SLX4IP: variants seen among roughly 807,000 people sequenced by gnomAD.
The protein encoded by SLX4IP is SLX4 interacting protein.
Under a neutral mutation model 32.9 loss-of-function variants are expected in SLX4IP, and 34 were observed. The observed-to-expected ratio is 1.03, with a 90% CI of 0.79 to 1.38. The LOEUF is 1.38. Ranked by LOEUF, SLX4IP falls within the 40% of genes most tolerant of loss-of-function variation. The probability of loss-of-function intolerance (pLI) is 0.00; values close to 1 mark genes in which losing one functional copy is unlikely to be tolerated. For missense variants in SLX4IP, 444 were observed against 479.0 expected, an observed-to-expected ratio of 0.93 and a Z score of 0.68; for synonymous variants, 172 against 171.7, an observed-to-expected ratio of 1.00 and a Z score of -0.01.
At chr20:10,583,904 A>C (rs1568754500) in intron 4 of SLX4IP, among the ~76,000 whole-genome samples, 1 of 152,202 alleles carries the variant, frequency 6.6e-6, no homozygotes, top group African/African-American at 2.4e-5. Flanking sequence ...ATTAAGATAA[A>C]AATATCAAGG....
At position 10,570,896 on chromosome 20, in the gene SLX4IP, C is replaced by T. The variant is rs1180216675; in HGVS notation, c.238+10076C>T. 6.6e-5 allele frequency among the ~76,000 whole-genome samples: 10 copies of T among 152,252 alleles called. No individual in the cohort carries two copies. The East Asian group carries it at 1.9e-3, about 29-fold the overall frequency. On this transcript the variant is annotated intron_variant, in intron 4 of 7. Transcript: ENST00000334534. Reference sequence around the variant, plus strand: ...CCAGGCCAGAGTGCAGTGGAACAGTCGTGGCTCATGGCAGCCTCAACCACC... The same window carrying T: ...CCAGGCCAGAGTGCAGTGGAACAGTTGTGGCTCATGGCAGCCTCAACCACC...
In SLX4IP at chr20:10,623,065, T is replaced by G. The variant is rs1399420611; in HGVS notation, c.913T>G (p.Phe305Val). 5 of 1,613,940 alleles carry G rather than the reference T, an allele frequency of 3.1e-6. No homozygotes were observed. The highest frequency in any genetic ancestry group is 3.4e-6 in the Non-Finnish European group (4 of 1,179,960). ...KRRNCSSAEDFDHHGRVSLGS... is the reference protein window; with the variant it reads ...KRRNCSSAEDVDHHGRVSLGS... ...CAGGAACTGCAGCTCTGCGGAAGAC[T>G]TCGACCACCACGGGAGAGTTTCTCT... Residue 305 changes from phenylalanine to valine, a missense_variant, in exon 8 of 8, where the codon TTC becomes GTC. By Grantham distance (50) the Phe-to-Val change is conservative. Transcript: ENST00000334534.
At chr20:10,591,899 A>T (rs1359085929) in intron 4 of SLX4IP, among the ~76,000 whole-genome samples, 1 of 152,324 alleles carries the variant, frequency 6.6e-6, no homozygotes, top group East Asian at 1.9e-4. Flanking sequence ...CCATGTGAAC[A>T]ATCTCTGATG....
At chr20:10,479,944 C>T (rs1473166072) in intron 2 of SLX4IP, among the ~76,000 whole-genome samples, 7 of 152,024 alleles carry the variant, frequency 4.6e-5, no homozygotes, top group Non-Finnish European at 8.8e-5. Context: ...TCAGAGGTTG[C>T]AGTGAGCCAA....
chr20:10,578,975 T>C (rs952875676), intron 4 of SLX4IP, among the ~76,000 whole-genome samples: 12 of 152,324 alleles, frequency 7.9e-5, no homozygotes, highest in Non-Finnish European at 1.8e-4. Flanking sequence ...TATAAGTCCC[T>C]TATCAGCTAT....
chr20:10,510,391 CT>C (rs1341784253), intron 2 of SLX4IP, among the ~76,000 whole-genome samples: 2 of 152,114 alleles, frequency 1.3e-5, no homozygotes, highest in African/African-American at 4.8e-5. Flanking sequence ...CCACACACAC[CT>C]TTCATCCTGG....
intron 4 of SLX4IP, among the ~76,000 whole-genome samples, chr20:10,561,894 T>C (rs1349910536): frequency 6.6e-6 from 1 of 152,236 alleles, no homozygotes; most frequent in East Asian, 1.9e-4. Flanking sequence ...CTTCACTTAA[T>C]TTCCTTTGGG....
At chr20:10,487,503 T>G (rs1483324676) in intron 2 of SLX4IP, among the ~76,000 whole-genome samples, 1 of 152,174 alleles carries the variant, frequency 6.6e-6, no homozygotes, top group Non-Finnish European at 1.5e-5. Flanking sequence ...TGAACTGTTC[T>G]AACAGTTAGG....
chr20:10,543,204 G>A (rs1009959860), intron 2 of SLX4IP, among the ~76,000 whole-genome samples: 2 of 152,174 alleles, frequency 1.3e-5, no homozygotes, highest in East Asian at 3.8e-4. Context: ...TTAATAGATT[G>A]GATGTGTAAT....
intron 2 of SLX4IP, among the ~76,000 whole-genome samples, chr20:10,530,284 G>A (rs185619979): frequency 1.8e-3 from 275 of 152,296 alleles, no homozygotes; most frequent in African/African-American, 6.0e-3. Context: ...GAGTTTGTAC[G>A]TTTAGATAAT....
At chr20:10,514,383 G>A (rs568772402) in intron 2 of SLX4IP, among the ~76,000 whole-genome samples, 14 of 152,160 alleles carry the variant, frequency 9.2e-5, no homozygotes, top group African/African-American at 1.7e-4. Context: ...TTCTTTCTCT[G>A]TTCTGTTAAG....
At chr20:10,603,285 G>A (rs1043773852) in intron 6 of SLX4IP, among the ~76,000 whole-genome samples, 2 of 152,066 alleles carry the variant, frequency 1.3e-5, no homozygotes, top group Non-Finnish European at 2.9e-5. Context: ...TATTAAGGAG[G>A]GATTAAAACA....
rs1432047579 is a variant in SLX4IP at position 10,583,386 on chromosome 20, C to CT, written c.239-15289_239-15288insT. Among the ~76,000 whole-genome samples, 4 of 152,308 alleles carry CT rather than the reference C, an allele frequency of 2.6e-5. No homozygotes were observed. In the East Asian group the frequency reaches 7.7e-4, roughly 29 times the overall value. On this transcript the variant is annotated intron_variant, in intron 4 of 7. Coordinates refer to ENST00000334534, the MANE Select transcript of SLX4IP (RefSeq NM_001009608.3). The stretch of plus-strand genomic sequence containing the variant: ...AGGGTCTGAACAAGGTTGGTGTACA[C>CT]ATTCATTGCACTCGGTTGATTATCT...
chr20:10,491,133 C>T (rs930158115), intron 2 of SLX4IP, among the ~76,000 whole-genome samples: 6 of 151,844 alleles, frequency 4.0e-5, no homozygotes, highest in African/African-American at 1.5e-4. Flanking sequence ...TTGTCACTTG[C>T]AGATGTAATT....
chr20:10,443,195 C>G (rs566907036), intron 1 of SLX4IP, among the ~76,000 whole-genome samples: 3 of 151,802 alleles, frequency 2.0e-5, no homozygotes, highest in Non-Finnish European at 4.4e-5. Context: ...AGTAAAGATA[C>G]GTTGGATAAA....
rs1432029942 is a variant in SLX4IP, at chr20:10,627,616, A to G, written c.*4237A>G. On this transcript the variant is annotated 3_prime_UTR_variant, in exon 8 of 8. Coordinates refer to ENST00000334534, the MANE Select transcript of SLX4IP (RefSeq NM_001009608.3). ...ACTTGAATGGATAAAATTATCTTTAATTATCTAGAGCTACCCAGTACTGGG... is the reference window on the plus strand; with the variant it reads ...ACTTGAATGGATAAAATTATCTTTAGTTATCTAGAGCTACCCAGTACTGGG... 6.6e-6 allele frequency: 1 copy of G among 152,236 alleles called. No homozygotes were observed. The highest frequency in any genetic ancestry group is 1.9e-4 in the East Asian group (1 of 5,202). 9.4% of individuals were successfully genotyped at this position (152,236 alleles called of 1,614,324 possible).
chr20:10,571,570 T>C (rs1290814141), intron 4 of SLX4IP, among the ~76,000 whole-genome samples: 1 of 152,174 alleles, frequency 6.6e-6, no homozygotes, highest in East Asian at 1.9e-4. Flanking sequence ...GTAGCTTCTC[T>C]CTCAAGAGCA....
chr20:10,448,695 C>T (rs376663765), intron 1 of SLX4IP, among the ~76,000 whole-genome samples: 5 of 152,196 alleles, frequency 3.3e-5, no homozygotes, highest in South Asian at 2.1e-4. Flanking sequence ...CAGACGACCC[C>T]GCTGGCCTAC....
chr20:10,447,825 C>T (rs911429436), intron 1 of SLX4IP, among the ~76,000 whole-genome samples: 2 of 151,480 alleles, frequency 1.3e-5, no homozygotes, highest in Non-Finnish European at 2.9e-5. Context: ...CTCAGTTTCC[C>T]ATGTAGCTGG....
Sources: gnomAD v4.1 joint callset for allele counts (sites outside exome capture counted in the v4.1 genomes callset) on GRCh38, gnomAD v4.1.1 for gene constraint, MANE v1.5 for transcripts, NCBI Gene and HGNC (gene_info 2026-07-23, HGNC 2026-07-21) for gene names.